Variants in ATAD2 observed in about 807,000 individuals in gnomAD.
The protein encoded by ATAD2 is ATPase family AAA domain containing 2, also known as ATPase family AAA domain-containing protein 2.
A neutral mutation model predicts 168.9 loss-of-function variants in ATAD2; 62 were observed. That is an observed-to-expected ratio of 0.37 (90% CI 0.30 to 0.45). The LOEUF (loss-of-function observed/expected upper bound fraction) is 0.45, where lower values mean the gene tolerates loss of function less well. Ranked by LOEUF, ATAD2 falls within the 20% of genes least tolerant of loss-of-function variation. The pLI is 1.00. For missense variants in ATAD2, 1,419 were observed against 1,667.8 expected (o/e 0.85, Z 2.60); for synonymous variants, 613 against 571.6 (o/e 1.07, Z -1.03).
intron 1 of ATAD2, chr8:123,401,714 A>T (rs1813005757): frequency 1.3e-6 from 1 of 748,124 alleles, no homozygotes; most frequent in South Asian, 1.4e-5. Context: ...TGGTGCCTCC[A>T]TAGTGATGAT....
intron 7 of ATAD2, 54 bp from the exon 8 acceptor site, chr8:123,369,229 C>A (rs962647756): frequency 6.2e-5 from 42 of 679,076 alleles, no homozygotes; most frequent in Non-Finnish European, 8.3e-5. Flanking sequence ...ATATGGCATA[C>A]AAATATGTAT....
chr8:123,415,256 T>C (rs1029894904), intron 1 of ATAD2, among the ~76,000 whole-genome samples: 2 of 152,248 alleles, frequency 1.3e-5, no homozygotes, highest in South Asian at 2.1e-4. Flanking sequence ...TTATAGGGTT[T>C]CCCACTCACT....
At chr8:123,359,029 G>T (rs1198891144) in intron 11 of ATAD2, among the ~76,000 whole-genome samples, 192 bp downstream of exon 11, 2 of 151,966 alleles carry the variant, frequency 1.3e-5, no homozygotes, top group Non-Finnish European at 2.9e-5. Flanking sequence ...ATGATGGGGG[G>T]AAAGCTTACT....
At chr8:123,331,446 A>C (rs1827772128) in intron 24 of ATAD2, among the ~76,000 whole-genome samples, 1 of 149,184 alleles carries the variant, frequency 6.7e-6, no homozygotes, top group Non-Finnish European at 1.5e-5. Flanking sequence ...CACTGTGTTG[A>C]CCAGGCTTGT....
chr8:123,373,650 A>G (rs1426489736), intron 2 of ATAD2, among the ~76,000 whole-genome samples: 4 of 152,008 alleles, frequency 2.6e-5, no homozygotes, highest in Admixed American at 2.6e-4. Flanking sequence ...TTAGCCAGGC[A>G]TGGTGGCAGG....
chr8:123,339,961 T>C (rs892710113), intron 19 of ATAD2, among the ~76,000 whole-genome samples: 1 of 152,012 alleles, frequency 6.6e-6, no homozygotes, highest in African/African-American at 2.4e-5. Context: ...GGCACAATCA[T>C]AGCTCACTGC....
At chr8:123,382,018 C>T (rs1238282679) in intron 1 of ATAD2, among the ~76,000 whole-genome samples, 1 of 152,100 alleles carries the variant, frequency 6.6e-6, no homozygotes, top group Non-Finnish European at 1.5e-5. Context: ...TGCACTCCAG[C>T]CTGGGCGACA....
intron 13 of ATAD2, among the ~76,000 whole-genome samples, chr8:123,355,612 G>A (rs920675918): frequency 6.6e-6 from 1 of 152,078 alleles, no homozygotes; most frequent in South Asian, 2.1e-4. Context: ...TTTAGCGCAG[G>A]CAATGTCTTA....
intron 9 of ATAD2, among the ~76,000 whole-genome samples, 190 bp downstream of exon 9, chr8:123,361,349 A>G (rs1200510434): frequency 6.6e-6 from 1 of 151,642 alleles, no homozygotes; most frequent in African/African-American, 2.4e-5. Context: ...GAAATCAGTC[A>G]TATGTTCTAA....
At chr8:123,325,136 C>G (rs1827576668) in intron 26 of ATAD2, among the ~76,000 whole-genome samples, 2 of 113,268 alleles carry the variant, frequency 1.8e-5, no homozygotes. Flanking sequence ...GAGTTTTGCT[C>G]TTGTCATCCA....
chr8:123,366,180 C>T (rs1048741136), intron 8 of ATAD2, among the ~76,000 whole-genome samples: 1 of 152,162 alleles, frequency 6.6e-6, no homozygotes, highest in Non-Finnish European at 1.5e-5. Context: ...CTCAACATCA[C>T]TAATGATCAG....
At position 123,349,456 on chromosome 8, in the gene ATAD2, AAAT is replaced by A; in HGVS notation, c.1647-15_1647-13del. ...TGGAAACAATAGAACTAAATTTTAAAAATAAGAGAGAAGAGATTAATACTATGA... is the reference window on the plus strand; with the variant it reads ...TGGAAACAATAGAACTAAATTTTAAAAAGAGAGAAGAGATTAATACTATGA... On this transcript the variant is annotated splice_polypyrimidine_tract_variant and intron_variant, in intron 13 of 27. Transcript: ENST00000287394. 1 of 1,608,916 alleles carries A rather than the reference AAAT, an allele frequency of 6.2e-7. No individual in the cohort carries two copies. Among genetic ancestry groups the A allele is most frequent in the Non-Finnish European group, 8.5e-7 (1 of 1,175,804 alleles).
At chr8:123,360,420 C>G (rs1563849917) in intron 9 of ATAD2, among the ~76,000 whole-genome samples, 1 of 151,988 alleles carries the variant, frequency 6.6e-6, no homozygotes, top group East Asian at 1.9e-4. Flanking sequence ...CGGCTCGCTG[C>G]AATCTTCGCC....
At chr8:123,364,113 G>A (rs765322963) in intron 8 of ATAD2, among the ~76,000 whole-genome samples, 4 of 151,902 alleles carry the variant, frequency 2.6e-5, no homozygotes, top group East Asian at 3.8e-4. Context: ...AATACATACC[G>A]CACTTAATGT....
At chr8:123,366,717 A>G (rs1422444426) in intron 8 of ATAD2, among the ~76,000 whole-genome samples, 1 of 152,204 alleles carries the variant, frequency 6.6e-6, no homozygotes, top group African/African-American at 2.4e-5. Flanking sequence ...GACACAATGA[A>G]CTGTGGGAAC....
At chr8:123,321,637 A>G (rs188403692) in intron 27 of ATAD2, among the ~76,000 whole-genome samples, 59 of 152,202 alleles carry the variant, frequency 3.9e-4, no homozygotes, top group Non-Finnish European at 7.2e-4. Flanking sequence ...ATCTGTTATT[A>G]AAAATAATAA....
At chr8:123,354,828 ACT>A (rs1464741901) in intron 13 of ATAD2, among the ~76,000 whole-genome samples, 2 of 110,212 alleles carry the variant, frequency 1.8e-5, no homozygotes, top group Non-Finnish European at 3.5e-5. Flanking sequence ...ACAGAGCAAG[ACT>A]CTGTCTCAAA....
rs1397183886 is a variant in ATAD2, at chr8:123,374,374, AC to A, written c.321-1689del. Among the ~76,000 whole-genome samples the A allele has an allele frequency of 3.3e-5, 5 of 152,030 alleles. No homozygotes were observed. In the East Asian group the frequency reaches 7.7e-4, roughly 23 times the overall value. On this transcript the variant is annotated intron_variant, in intron 2 of 27. Coordinates refer to ENST00000287394, the MANE Select transcript of ATAD2 (RefSeq NM_014109.4). ...ATCTCAAAAACAAACAAACAAACAA[AC>A]TTTTGAGTAGTTCATCTACAGGTAA... is the stretch of plus-strand genomic sequence containing the variant.
At chr8:123,377,555 T>C (rs1361785488) in intron 2 of ATAD2, among the ~76,000 whole-genome samples, 1 of 152,298 alleles carries the variant, frequency 6.6e-6, no homozygotes, top group East Asian at 1.9e-4. Flanking sequence ...CAAATAAAAC[T>C]ATAAAACCAT....
Sources: gnomAD v4.1 joint callset for allele counts (sites outside exome capture counted in the v4.1 genomes callset) on GRCh38, gnomAD v4.1.1 for gene constraint, MANE v1.5 for transcripts, NCBI Gene and HGNC (gene_info 2026-07-23, HGNC 2026-07-21) for gene names.